RNF150: variants seen among roughly 807,000 people sequenced by gnomAD.
RNF150 encodes ring finger protein 150.
Under a neutral mutation model 39.3 loss-of-function variants are expected in RNF150, and 24 were observed. That is an observed-to-expected ratio of 0.61 (90% CI 0.44 to 0.86). The LOEUF is 0.86. Ranked by LOEUF, RNF150 falls within the 40% of genes least tolerant of loss-of-function variation. The pLI, the probability that RNF150 is intolerant of heterozygous loss-of-function variation, is 0.00. For missense variants in RNF150, 502 were observed against 587.8 expected, an observed-to-expected ratio of 0.85 and a Z score of 1.51; for synonymous variants, 255 against 227.3, an observed-to-expected ratio of 1.12 and a Z score of -1.10.
intron 6 of RNF150, among the ~76,000 whole-genome samples, chr4:140,892,719 G>T (rs1178260458): frequency 1.5e-5 from 2 of 136,404 alleles, no homozygotes; most frequent in African/African-American, 3.8e-5. Flanking sequence ...GGCCTCACAA[G>T]TTCCTTCCCC....
intron 1 of RNF150, among the ~76,000 whole-genome samples, chr4:141,048,477 T>A (rs879330822): frequency 6.6e-6 from 1 of 152,092 alleles, no homozygotes; most frequent in East Asian, 1.9e-4. Context: ...ATGGGTATAA[T>A]CCCAACACTT....
At chr4:140,915,000 T>C (rs191217657) in intron 5 of RNF150, among the ~76,000 whole-genome samples, 141 of 152,336 alleles carry the variant, frequency 9.3e-4, no homozygotes, top group Admixed American at 5.2e-4. Context: ...ATTTGAATAA[T>C]CTAGTAGATC....
At chr4:141,077,572 G>C (rs1322177798) in intron 1 of RNF150, among the ~76,000 whole-genome samples, 3 of 152,240 alleles carry the variant, frequency 2.0e-5, no homozygotes, top group African/African-American at 4.8e-5. Flanking sequence ...CAAATTAAAA[G>C]AGAGAAGGGA....
At chr4:140,959,652 C>T (rs537583708) in intron 2 of RNF150, among the ~76,000 whole-genome samples, 75 of 152,230 alleles carry the variant, frequency 4.9e-4, no homozygotes, top group African/African-American at 1.6e-3. Flanking sequence ...CAGTTAACCT[C>T]GAACAGGGAA....
Position 140,866,992 on chromosome 4 carries a change from T to A in RNF150, c.*1269A>T, listed in dbSNP as rs1162223116. The A allele has an allele frequency of 6.6e-6, 1 of 152,236 alleles. No individual in the cohort carries two copies. The highest frequency in any genetic ancestry group is 1.9e-4 in the East Asian group (1 of 5,198). 9.4% of individuals were successfully genotyped at this position (152,236 alleles called of 1,614,324 possible). On this transcript the variant is annotated 3_prime_UTR_variant, in exon 7 of 7. Coordinates refer to ENST00000515673, the MANE Select transcript of RNF150 (RefSeq NM_020724.2). The stretch of plus-strand genomic sequence containing the variant: ...ATACCTCTTTTCCTTTCCCTCTTAC[T>A]TTGTCTATTTCAGTCAGGATAAACG...
At chr4:141,146,702 C>T (rs1475628384) in intron 1 of RNF150, among the ~76,000 whole-genome samples, 1 of 152,164 alleles carries the variant, frequency 6.6e-6, no homozygotes, top group Non-Finnish European at 1.5e-5. Flanking sequence ...ATTAGCCAAA[C>T]TTTGGAACAC....
At chr4:141,020,084 GTT>G (rs1308488258) in intron 1 of RNF150, among the ~76,000 whole-genome samples, 1 of 143,802 alleles carries the variant, frequency 7.0e-6, no homozygotes, top group Non-Finnish European at 1.5e-5. Context: ...AGCCAAGGGA[GTT>G]TTTTTTTGGT....
intron 1 of RNF150, among the ~76,000 whole-genome samples, chr4:141,050,690 G>A (rs978935264): frequency 1.3e-5 from 2 of 152,208 alleles, no homozygotes; most frequent in Non-Finnish European, 2.9e-5. Context: ...CAAGAGGTGG[G>A]TTCCCATGGT....
upstream of RNF150, chr4:141,133,556 C>T (rs888164703): frequency 6.6e-6 from 1 of 152,296 alleles, no homozygotes; most frequent in African/African-American, 2.4e-5. Flanking sequence ...ATTCTCTTGC[C>T]ATGTTCCCTT....
At chr4:141,120,241 G>A (rs1416244764) in intron 1 of RNF150, among the ~76,000 whole-genome samples, 1 of 152,182 alleles carries the variant, frequency 6.6e-6, no homozygotes, top group Non-Finnish European at 1.5e-5. Flanking sequence ...TAAGAGAAGA[G>A]AGAATGAACA....
intron 1 of RNF150, among the ~76,000 whole-genome samples, chr4:140,985,553 G>A (rs1008052126): frequency 1.2e-4 from 19 of 152,236 alleles, no homozygotes; most frequent in Admixed American, 3.9e-4. Context: ...AATTAGGTAT[G>A]AAAATTTAGT....
In RNF150 at chr4:141,089,795, T is replaced by C. The variant is rs1163099901; in HGVS notation, c.484+42530A>G. Among the ~76,000 whole-genome samples the C allele has an allele frequency of 2.0e-5, 3 of 152,234 alleles. No homozygotes were observed. The East Asian group carries it at 5.8e-4, about 29-fold the overall frequency. On this transcript the variant is annotated intron_variant, in intron 1 of 6. Coordinates refer to ENST00000515673, the MANE Select transcript of RNF150 (RefSeq NM_020724.2). Reference sequence around the variant, plus strand: ...TATACCCAGAATATTTTTTGTCTTCTTGTCAAACTCTTACTTTCGTTCTAC... The same window carrying C: ...TATACCCAGAATATTTTTTGTCTTCCTGTCAAACTCTTACTTTCGTTCTAC...
chr4:141,128,891 C>T (rs3897805), intron 1 of RNF150, among the ~76,000 whole-genome samples: 2,315 of 152,226 alleles, frequency 0.015, 62 homozygotes, highest in African/African-American at 0.053. Flanking sequence ...AGTTAGTCAT[C>T]AGGGAAATGA....
At chr4:140,926,802 T>G (rs1236157914) in intron 4 of RNF150, among the ~76,000 whole-genome samples, 1 of 152,196 alleles carries the variant, frequency 6.6e-6, no homozygotes, top group African/African-American at 2.4e-5. Context: ...CACAGAGATG[T>G]CAGGAACTCC....
At chr4:140,980,612 C>T (rs1382910357) in intron 1 of RNF150, among the ~76,000 whole-genome samples, 1 of 152,052 alleles carries the variant, frequency 6.6e-6, no homozygotes, top group Non-Finnish European at 1.5e-5. Flanking sequence ...CAGTTTCCCC[C>T]ACACTATTCT....
chr4:141,036,237 C>T (rs967799196), intron 1 of RNF150, among the ~76,000 whole-genome samples: 15 of 152,214 alleles, frequency 9.9e-5, no homozygotes, highest in Non-Finnish European at 1.5e-4. Context: ...TTGTTCATTG[C>T]TGTGCTTTAT....
intron 6 of RNF150, among the ~76,000 whole-genome samples, chr4:140,879,340 C>T (rs543420782): frequency 1.3e-5 from 2 of 152,278 alleles, no homozygotes; most frequent in South Asian, 2.1e-4. Context: ...GACATTTTAA[C>T]AACATTGTCT....
At chr4:141,131,092 G>A (rs1277837425) in intron 1 of RNF150, among the ~76,000 whole-genome samples, 8 of 152,182 alleles carry the variant, frequency 5.3e-5, no homozygotes, top group Admixed American at 5.2e-4. Context: ...TTGATTACTG[G>A]AGGCAAACCA....
At chr4:141,004,648 T>C (rs1260038403) in intron 1 of RNF150, among the ~76,000 whole-genome samples, 2 of 152,176 alleles carry the variant, frequency 1.3e-5, no homozygotes, top group Non-Finnish European at 2.9e-5. Flanking sequence ...TGTCATCAAT[T>C]CTATATCTTA....
Sources: gnomAD v4.1 joint callset for allele counts (sites outside exome capture counted in the v4.1 genomes callset) on GRCh38, gnomAD v4.1.1 for gene constraint, MANE v1.5 for transcripts, NCBI Gene and HGNC (gene_info 2026-07-23, HGNC 2026-07-21) for gene names.